The following SHPRH variants were observed in gnomAD, a reference collection of about 807,000 sequenced individuals.
SHPRH encodes E3 ubiquitin-protein ligase SHPRH.
In SHPRH, 106 loss-of-function variants were observed where a neutral mutation model predicts 202.5. The ratio of observed to expected loss-of-function variants is 0.52; its 90% CI spans 0.45 to 0.62. SHPRH has a LOEUF of 0.62. SHPRH is among the 20% of genes least tolerant of loss of function. The pLI is 0.00. For synonymous variants in SHPRH, 729 were observed against 686.0 expected, an observed-to-expected ratio of 1.06 and a Z score of -0.98; for missense variants, 1,710 against 2,020.0, an observed-to-expected ratio of 0.85 and a Z score of 2.94.
Position 145,886,616 on chromosome 6 carries a change from A to T in SHPRH, c.*75T>A. 1.9e-6 allele frequency: 3 copies of T among 1,575,900 alleles called. No homozygotes were observed. In the Admixed American group the frequency reaches 5.7e-5, roughly 30 times the overall value. ...TGTTACTGTTATCTACTGGGTTTTT[A>T]AAACTTGTAACTTTGCTCTACAGCT... On this transcript the variant is annotated 3_prime_UTR_variant, in exon 30 of 30. Transcript: ENST00000275233.
At chr6:145,901,360 C>T (rs1782491455) in intron 25 of SHPRH, among the ~76,000 whole-genome samples, 1 of 152,060 alleles carries the variant, frequency 6.6e-6, no homozygotes, top group African/African-American at 2.4e-5. Context: ...GGGTTCAAAT[C>T]TGCCAGCTTC....
intron 2 of SHPRH, among the ~76,000 whole-genome samples, chr6:145,868,626 C>CA (rs1226549149): frequency 2.6e-5 from 4 of 152,150 alleles, no homozygotes; most frequent in Admixed American, 2.0e-4. Context: ...ATTAAAGAAT[C>CA]AAGAGAAGAT....
chr6:145,952,560 C>G, intron 2 of SHPRH, 82 bp from the exon 3 acceptor site: 1 of 1,322,704 alleles, frequency 7.6e-7, no homozygotes, highest in Non-Finnish European at 1.0e-6. Context: ...AAAAAATTAG[C>G]ATCACTACTT....
chr6:145,869,674 A>G (rs1029058749), intron 2 of SHPRH, among the ~76,000 whole-genome samples: 6 of 151,980 alleles, frequency 3.9e-5, no homozygotes, highest in African/African-American at 4.8e-5. Flanking sequence ...TATTCCTTCC[A>G]TTGATCTAGT....
chr6:145,950,250 C>T lies in SHPRH; in HGVS notation c.982+14G>A, dbSNP rs1180220167. On this transcript the variant is annotated intron_variant, in intron 4 of 29. Coordinates refer to ENST00000275233, the MANE Select transcript of SHPRH (RefSeq NM_001042683.3). ...TCTAATCAATTGGACTTTCTTTAAACATCTTATTCTTACCAGTAGCAGGAC... is the reference window on the plus strand; with the variant it reads ...TCTAATCAATTGGACTTTCTTTAAATATCTTATTCTTACCAGTAGCAGGAC... 6.2e-7 allele frequency: 1 copy of T among 1,610,260 alleles called. No homozygotes were observed. Among genetic ancestry groups the T allele is most frequent in the Non-Finnish European group, 8.5e-7 (1 of 1,177,712 alleles).
At chr6:145,945,701 G>A (rs754248076) in intron 7 of SHPRH, 64 bp from the exon 8 acceptor site, 2 of 1,480,642 alleles carry the variant, frequency 1.4e-6, no homozygotes, top group South Asian at 2.8e-5. Flanking sequence ...GTAAAACTTG[G>A]TTAATCTTAA....
chr6:145,862,317 G>A (rs940374965), downstream of SHPRH, among the ~76,000 whole-genome samples: 7 of 152,118 alleles, frequency 4.6e-5, no homozygotes, highest in South Asian at 4.2e-4. Flanking sequence ...AGCCGGGCGC[G>A]GTGGCGGGTG....
intron 21 of SHPRH, among the ~76,000 whole-genome samples, chr6:145,920,649 A>G (rs966625085): frequency 6.6e-6 from 1 of 152,092 alleles, no homozygotes; most frequent in Non-Finnish European, 1.5e-5. Flanking sequence ...AAATAAAACA[A>G]TAATTGAAAA....
chr6:145,934,339 GTC>G (rs1785809068), intron 13 of SHPRH, among the ~76,000 whole-genome samples: 1 of 151,862 alleles, frequency 6.6e-6, no homozygotes, highest in Non-Finnish European at 1.5e-5. Flanking sequence ...GGTGGCACAT[GTC>G]TGTAATCCCA....
chr6:145,917,805 T>C (rs1784085189), intron 23 of SHPRH: 1 of 186,824 alleles, frequency 5.4e-6, no homozygotes, highest in Admixed American at 6.1e-5. Flanking sequence ...TATTGATGAA[T>C]GAATGCATGT....
intron 2 of SHPRH, among the ~76,000 whole-genome samples, chr6:145,876,427 A>G (rs1158726517): frequency 1.3e-5 from 2 of 152,240 alleles, no homozygotes; most frequent in African/African-American, 2.4e-5. Flanking sequence ...ACAGAAATAT[A>G]CAGTATTTTG....
Position 145,913,456 on chromosome 6 carries a change from GTGA to G in SHPRH, c.4326+19_4326+21del, listed in dbSNP as rs763081173. 1.0e-4 allele frequency: 165 copies of G among 1,588,572 alleles called. No homozygotes were observed. Among genetic ancestry groups the G allele is most frequent in the Non-Finnish European group, 1.3e-4 (148 of 1,162,148 alleles). On this transcript the variant is annotated intron_variant, in intron 24 of 29. Coordinates refer to ENST00000275233, the MANE Select transcript of SHPRH (RefSeq NM_001042683.3). The stretch of plus-strand genomic sequence containing the variant: ...ACTGTAAGGTATTTTATAAATGCAT[GTGA>G]TGTTTATCATAATTTTACCTGTTTT...
chr6:145,950,823 T>C (rs1453514986), intron 3 of SHPRH, among the ~76,000 whole-genome samples: 2 of 152,056 alleles, frequency 1.3e-5, no homozygotes, highest in South Asian at 2.1e-4. Context: ...AAAGGCAAAG[T>C]TTTTCATTTT....
intron 13 of SHPRH, among the ~76,000 whole-genome samples, chr6:145,934,356 C>T (rs1040984700): frequency 6.6e-6 from 1 of 151,710 alleles, no homozygotes; most frequent in Non-Finnish European, 1.5e-5. Context: ...ATCCCAGGTA[C>T]TTGGAGGGGT....
In SHPRH at chr6:145,943,378, T is replaced by C; in HGVS notation, c.2003A>G (p.Gln668Arg). The change falls in exon 9 of 30, where the codon CAG becomes CGG. Residue 668 changes from glutamine (Q) to arginine (R), a missense_variant. By Grantham distance (43) the Gln-to-Arg change is conservative. This residue lies in a region of SHPRH where 348 missense variants were observed against 356.9 expected (regional missense o/e 0.97). Coordinates refer to ENST00000275233, the MANE Select transcript of SHPRH (RefSeq NM_001042683.3). ...RFECICGELD[Q>R]IDRKPRVQCL... is the part of the protein sequence containing the mutation. ...TTGAACACGAGGCTTACGATCTATCTGATCAAGTTCACCACATATACACTC... is the reference window on the plus strand; with the variant it reads ...TTGAACACGAGGCTTACGATCTATCCGATCAAGTTCACCACATATACACTC... 6.2e-7 allele frequency: 1 copy of C among 1,614,032 alleles called. No individual in the cohort carries two copies. The highest frequency in any genetic ancestry group is 8.5e-7 in the Non-Finnish European group (1 of 1,179,942).
intron 4 of SHPRH, among the ~76,000 whole-genome samples, chr6:145,949,567 C>T (rs1373235209): frequency 2.6e-5 from 4 of 152,050 alleles, no homozygotes; most frequent in East Asian, 1.9e-4. Context: ...AATAGTATAA[C>T]GGATACTGGA....
chr6:145,940,203 CG>C (rs1786600876), intron 11 of SHPRH, among the ~76,000 whole-genome samples: 3 of 152,088 alleles, frequency 2.0e-5, no homozygotes, highest in African/African-American at 7.2e-5. Flanking sequence ...GAAACAATAA[CG>C]GTATATACAT....
At position 145,954,802 on chromosome 6, in the gene SHPRH, C is replaced by T. The variant is rs778966834; in HGVS notation, c.521G>A (p.Gly174Asp). 6.9e-5 allele frequency: 112 copies of T among 1,613,716 alleles called. No homozygotes were observed. Among genetic ancestry groups the T allele is most frequent in the Non-Finnish European group, 9.2e-5 (108 of 1,179,888 alleles). The change falls in exon 2 of 30, where the codon GGT becomes GAT. Residue 174 changes from glycine to aspartate, a missense_variant. Around this residue, in one of 8 missense-constraint regions of SHPRH, gnomAD observed 459 missense variants for 426.5 expected, o/e 1.08. Coordinates refer to ENST00000275233, the MANE Select transcript of SHPRH (RefSeq NM_001042683.3). Reference sequence around the variant, plus strand: ...ACTGAAGGATGACTCCACCAGAATACCCTTGTCACAAATACTCATCGGTTC... The same window carrying T: ...ACTGAAGGATGACTCCACCAGAATATCCTTGTCACAAATACTCATCGGTTC... Reference protein sequence around the residue: ...KKEPMSICDKGILVESSFSGE... With the variant: ...KKEPMSICDKDILVESSFSGE...
chr6:145,872,211 A>C (rs889318068), intron 2 of SHPRH, among the ~76,000 whole-genome samples: 1 of 152,182 alleles, frequency 6.6e-6, no homozygotes, highest in African/African-American at 2.4e-5. Flanking sequence ...TAATTAAACT[A>C]AAGAGCTTCT....
Sources: gnomAD v4.1 joint callset for allele counts (sites outside exome capture counted in the v4.1 genomes callset) on GRCh38, gnomAD v4.1.1 for gene constraint, gnomAD v4.1.1 regional missense constraint, MANE v1.5 for transcripts, NCBI Gene and HGNC (gene_info 2026-07-23, HGNC 2026-07-21) for gene names.